ZNF420: variants seen among roughly 807,000 people sequenced by gnomAD.
ZNF420 encodes the protein ATM and p53-associated KZNF protein.
A neutral mutation model predicts 44.7 loss-of-function variants in ZNF420; 31 were observed. The ratio of observed to expected loss-of-function variants is 0.69; its 90% CI spans 0.52 to 0.94. The LOEUF (loss-of-function observed/expected upper bound fraction) is 0.94, where lower values mean the gene tolerates loss of function less well. Ranked by LOEUF, ZNF420 falls within the 40% of genes least tolerant of loss-of-function variation. The pLI is 0.00. For synonymous variants in ZNF420, 245 were observed against 267.4 expected (o/e 0.92, Z 0.82); for missense variants, 681 against 827.9 (o/e 0.82, Z 2.18).
At chr19:37,076,456 T>C (rs1968156085), upstream of ZNF420, among the ~76,000 whole-genome samples, 1 of 152,198 alleles carries the variant, frequency 6.6e-6, no homozygotes, top group South Asian at 2.1e-4. Flanking sequence ...ACATGTGCCA[T>C]GTTGGTGTGC....
At chr19:37,033,028 T>C (rs1457247955) in intron 1 of ZNF420, among the ~76,000 whole-genome samples, 1 of 152,236 alleles carries the variant, frequency 6.6e-6, no homozygotes, top group Non-Finnish European at 1.5e-5. Context: ...CATATGGATA[T>C]TCACAGTAGG....
At chr19:37,110,257 A>G (rs552947607) in intron 4 of ZNF420, among the ~76,000 whole-genome samples, 7 of 152,348 alleles carry the variant, frequency 4.6e-5, no homozygotes, top group Non-Finnish European at 7.3e-5. Flanking sequence ...TCCATTTGCC[A>G]TAACGCATTA....
intron 1 of ZNF420, among the ~76,000 whole-genome samples, chr19:37,019,726 C>T (rs1375522204): frequency 6.6e-6 from 1 of 151,248 alleles, no homozygotes; most frequent in Non-Finnish European, 1.5e-5. Context: ...AAGATTTGAC[C>T]ACTGCACTCC....
rs139118152 is a variant in ZNF420 at position 37,054,548 on chromosome 19, C to A, written c.-124-25797C>A. On this transcript the variant is annotated intron_variant, in intron 1 of 4. Transcript: ENST00000587029. Reference sequence around the variant, plus strand: ...CTTTTAGTCTATGAAGACAAAACCACAGTGACAGTAACTAGGTCAAGGCAT... The same window carrying A: ...CTTTTAGTCTATGAAGACAAAACCAAAGTGACAGTAACTAGGTCAAGGCAT... Among the ~76,000 whole-genome samples the A allele has an allele frequency of 4.7e-4, 71 of 152,346 alleles. No homozygotes were observed. In the Middle Eastern group the frequency reaches 0.01, roughly 22 times the overall value.
At chr19:37,008,206 G>A in intron 1 of ZNF420, 1 of 310,240 alleles carries the variant, frequency 3.2e-6, no homozygotes, top group South Asian at 2.8e-5. Flanking sequence ...CTCAGGAGTT[G>A]CCTGGGGCGG....
chr19:37,012,390 C>G (rs862248), intron 1 of ZNF420, among the ~76,000 whole-genome samples: 3,679 of 152,344 alleles, frequency 0.024, 162 homozygotes, highest in African/African-American at 0.083. Flanking sequence ...CCTAAGAAAC[C>G]AGTCCCTGAG....
chr19:37,103,080 G>C (rs1337963626), intron 4 of ZNF420, among the ~76,000 whole-genome samples: 1 of 151,896 alleles, frequency 6.6e-6, no homozygotes, highest in Non-Finnish European at 1.5e-5. Flanking sequence ...CTTAACTATA[G>C]TATTTCTTGT....
chr19:37,010,793 C>T (rs141747110), intron 1 of ZNF420, among the ~76,000 whole-genome samples: 2 of 152,234 alleles, frequency 1.3e-5, no homozygotes, highest in Non-Finnish European at 2.9e-5. Flanking sequence ...ATTTCATCTC[C>T]ATCCTGAGCG....
At chr19:37,031,536 C>T (rs1178737750) in intron 1 of ZNF420, among the ~76,000 whole-genome samples, 1 of 151,880 alleles carries the variant, frequency 6.6e-6, no homozygotes, top group Non-Finnish European at 1.5e-5. Context: ...CACGGAGTCT[C>T]GCTCTGTCGC....
At chr19:37,092,100 T>G (rs1969186341) in intron 4 of ZNF420, 1 of 152,142 alleles carries the variant, frequency 6.6e-6, no homozygotes, top group Non-Finnish European at 1.5e-5. Context: ...CTTTAATAAG[T>G]GATTTTCCAA....
chr19:37,030,517 G>A (rs1028697995), intron 1 of ZNF420, among the ~76,000 whole-genome samples: 5 of 152,176 alleles, frequency 3.3e-5, no homozygotes, highest in Non-Finnish European at 5.9e-5. Flanking sequence ...GTAAGGTCAT[G>A]CAATATTTTT....
At chr19:37,124,547 T>G (rs1177740476) in intron 4 of ZNF420, among the ~76,000 whole-genome samples, 1 of 152,248 alleles carries the variant, frequency 6.6e-6, no homozygotes, top group Non-Finnish European at 1.5e-5. Flanking sequence ...TTACAGTGTT[T>G]TGCACTCTCA....
intron 1 of ZNF420, among the ~76,000 whole-genome samples, chr19:37,009,947 C>T (rs1198043859): frequency 6.6e-6 from 1 of 152,166 alleles, no homozygotes; most frequent in African/African-American, 2.4e-5. Flanking sequence ...CCTCGCCGCC[C>T]CCTACTTGAT....
chr19:37,012,792 GTGTGTGTGTGTGTGTGTGTGTC>G (rs2074581400), intron 1 of ZNF420, among the ~76,000 whole-genome samples: 3 of 150,236 alleles, frequency 2.0e-5, no homozygotes, highest in African/African-American at 7.3e-5. Flanking sequence ...GTGTGTGTGT[GTGTGTGTGTGTGTGTGTGTGTC>G]TCCCATTCTC....
At chr19:37,070,573 A>C in intron 1 of ZNF420, among the ~76,000 whole-genome samples, 1 of 152,358 alleles carries the variant, frequency 6.6e-6, no homozygotes, top group African/African-American at 2.4e-5. Flanking sequence ...ATAAAAAGAC[A>C]ACCCAAAGAA....
intron 4 of ZNF420, among the ~76,000 whole-genome samples, chr19:37,123,044 G>C (rs1971143216): frequency 6.6e-6 from 1 of 152,090 alleles, no homozygotes; most frequent in African/African-American, 2.4e-5. Flanking sequence ...CAACCTTTCA[G>C]GCAAAACCTG....
At chr19:37,112,359 TA>T (rs1255907382) in intron 4 of ZNF420, among the ~76,000 whole-genome samples, 1 of 152,106 alleles carries the variant, frequency 6.6e-6, no homozygotes, top group East Asian at 1.9e-4. Context: ...CCCCACAGAT[TA>T]ACGGGAATTG....
At chr19:37,053,436 C>G (rs1208560639) in intron 1 of ZNF420, among the ~76,000 whole-genome samples, 1 of 152,222 alleles carries the variant, frequency 6.6e-6, no homozygotes, top group African/African-American at 2.4e-5. Flanking sequence ...GAGAGGCACT[C>G]TGATTTTTAG....
upstream of ZNF420, among the ~76,000 whole-genome samples, chr19:37,076,093 G>A (rs1968144362): frequency 6.6e-6 from 1 of 151,932 alleles, no homozygotes; most frequent in African/African-American, 2.4e-5. Context: ...CATATAAAAT[G>A]TCATAAGTTT....
Sources: gnomAD v4.1 joint callset for allele counts (sites outside exome capture counted in the v4.1 genomes callset) on GRCh38, gnomAD v4.1.1 for gene constraint, MANE v1.5 for transcripts, NCBI Gene and HGNC (gene_info 2026-07-23, HGNC 2026-07-21) for gene names.